Variants in PLD5 observed in about 807,000 individuals in gnomAD.
PLD5 encodes phospholipase D family member 5, also known as inactive phospholipase D5.
A neutral mutation model predicts 61.1 loss-of-function variants in PLD5; 36 were observed. That is an observed-to-expected ratio of 0.59 (90% CI 0.45 to 0.78). The LOEUF (loss-of-function observed/expected upper bound fraction) is 0.78, where lower values mean the gene tolerates loss of function less well. Among genes scored for constraint, PLD5 ranks in the 30% least tolerant of loss-of-function variants. The pLI is 0.00. For synonymous variants in PLD5, 243 were observed against 242.8 expected, an observed-to-expected ratio of 1.00 and a Z score of -0.01; for missense variants, 515 against 644.4, an observed-to-expected ratio of 0.80 and a Z score of 2.17.
At chr1:242,176,684 T>A (rs887423684) in intron 5 of PLD5, among the ~76,000 whole-genome samples, 1 of 152,162 alleles carries the variant, frequency 6.6e-6, no homozygotes, top group Non-Finnish European at 1.5e-5. Flanking sequence ...AATCTATCCA[T>A]CTGACAAAGG....
At chr1:242,246,577 T>C (rs1197140509) in intron 4 of PLD5, among the ~76,000 whole-genome samples, 1 of 151,992 alleles carries the variant, frequency 6.6e-6, no homozygotes, top group Non-Finnish European at 1.5e-5. Flanking sequence ...ACTTTACAGA[T>C]GTTTTCACAT....
At chr1:242,143,085 T>A (rs1203701225) in intron 5 of PLD5, among the ~76,000 whole-genome samples, 1 of 150,258 alleles carries the variant, frequency 6.7e-6, no homozygotes. Context: ...TGGAGTACAG[T>A]GGTGCCATCT....
the PLD5 span, among the ~76,000 whole-genome samples, chr1:242,529,795 C>CTTCCTTCT: frequency 1.5e-4 from 21 of 143,506 alleles, no homozygotes; most frequent in Non-Finnish European, 2.8e-4. Context: ...TCCTTCCTTC[C>CTTCCTTCT]TTCCTTCCTT....
At chr1:242,466,459 T>C (rs1365019065) in intron 1 of PLD5, among the ~76,000 whole-genome samples, 2 of 152,122 alleles carry the variant, frequency 1.3e-5, no homozygotes, top group Non-Finnish European at 2.9e-5. Flanking sequence ...GTGGTATATA[T>C]ACACAAAGGA....
chr1:242,195,093 C>A (rs1445172738), intron 5 of PLD5, among the ~76,000 whole-genome samples: 1 of 152,128 alleles, frequency 6.6e-6, no homozygotes, highest in African/African-American at 2.4e-5. Flanking sequence ...GAACTTGGAT[C>A]AACAATGGAA....
chr1:242,187,345 G>A (rs189630386), intron 5 of PLD5, among the ~76,000 whole-genome samples: 1 of 152,248 alleles, frequency 6.6e-6, no homozygotes, highest in East Asian at 1.9e-4. Flanking sequence ...AAAGACCCAG[G>A]GTCCTTGGTC....
chr1:242,276,279 T>C (rs1044936683), intron 3 of PLD5, among the ~76,000 whole-genome samples: 1 of 151,134 alleles, frequency 6.6e-6, no homozygotes, highest in African/African-American at 2.4e-5. Flanking sequence ...AAGCTGAAGG[T>C]GAGCTTATGA....
intron 5 of PLD5, among the ~76,000 whole-genome samples, chr1:242,174,187 C>G (rs1204067160): frequency 1.3e-5 from 2 of 148,748 alleles, no homozygotes; most frequent in Non-Finnish European, 3.0e-5. Flanking sequence ...ACAAAGAACT[C>G]AGACAAATTT....
chr1:242,335,053 A>G (rs1659420944), intron 2 of PLD5, among the ~76,000 whole-genome samples: 1 of 152,022 alleles, frequency 6.6e-6, no homozygotes, highest in African/African-American at 2.4e-5. Flanking sequence ...ACCTCTCTAC[A>G]GTTTTTATTT....
intron 5 of PLD5, among the ~76,000 whole-genome samples, chr1:242,211,770 T>A (rs1669838787): frequency 6.6e-6 from 1 of 152,224 alleles, no homozygotes; most frequent in African/African-American, 2.4e-5. Flanking sequence ...CATTGGTGCC[T>A]GCTCAGGATT....
At chr1:242,262,845 CA>C (rs1673449533) in intron 4 of PLD5, among the ~76,000 whole-genome samples, 1 of 151,946 alleles carries the variant, frequency 6.6e-6, no homozygotes, top group Admixed American at 6.6e-5. Flanking sequence ...ATGAGGGATA[CA>C]GGTGGAGATG....
chr1:242,359,087 T>C (rs1004695722), intron 1 of PLD5, among the ~76,000 whole-genome samples: 1 of 151,866 alleles, frequency 6.6e-6, no homozygotes, highest in Non-Finnish European at 1.5e-5. Context: ...ACCTGATATC[T>C]CTGATCACGG....
rs1007738766 is a variant in PLD5 at position 242,163,305 on chromosome 1, G to T, written c.736-38640C>A. 2.6e-5 allele frequency among the ~76,000 whole-genome samples: 4 copies of T among 151,734 alleles called. No individual in the cohort carries two copies. The East Asian group carries it at 7.8e-4, about 29-fold the overall frequency. On this transcript the variant is annotated intron_variant, in intron 5 of 9. Transcript: ENST00000536534. ...ACTACAGGCGCCCGCCACCACGCCCGGCTAATTTTTTGTATTTTTAGCACA... is the reference window on the plus strand; with the variant it reads ...ACTACAGGCGCCCGCCACCACGCCCTGCTAATTTTTTGTATTTTTAGCACA...
intron 1 of PLD5, among the ~76,000 whole-genome samples, chr1:242,501,021 A>G (rs918038159): frequency 2.0e-5 from 3 of 152,196 alleles, no homozygotes; most frequent in South Asian, 2.1e-4. Flanking sequence ...CATAAAAAGG[A>G]AAATAAATTT....
chr1:242,395,061 GTATATATATGAATATATATGTA>G (rs1663472535), intron 1 of PLD5, among the ~76,000 whole-genome samples: 1 of 84,956 alleles, frequency 1.2e-5, no homozygotes, highest in Non-Finnish European at 2.6e-5. Flanking sequence ...GAATATATAT[GTATATATATGAATATATATGTA>G]TATATATGAA....
chr1:242,373,461 A>G (rs1186706667), intron 1 of PLD5, among the ~76,000 whole-genome samples: 4 of 152,200 alleles, frequency 2.6e-5, no homozygotes, highest in African/African-American at 7.2e-5. Flanking sequence ...TATATACCCA[A>G]AGGATTTTAA....
At chr1:242,340,378 G>C (rs1199155468) in intron 2 of PLD5, among the ~76,000 whole-genome samples, 1 of 151,920 alleles carries the variant, frequency 6.6e-6, no homozygotes, top group Non-Finnish European at 1.5e-5. Context: ...ACATAGTTGG[G>C]TTTGTCAATA....
intron 3 of PLD5, among the ~76,000 whole-genome samples, chr1:242,269,529 T>C (rs972551170): frequency 6.0e-5 from 9 of 151,086 alleles, no homozygotes; most frequent in Non-Finnish European, 1.3e-4. Context: ...TGAAAAACTA[T>C]CAAGAGAGAA....
intron 2 of PLD5, among the ~76,000 whole-genome samples, chr1:242,337,055 A>G (rs1013411701): frequency 2.0e-5 from 3 of 151,882 alleles, no homozygotes; most frequent in South Asian, 2.1e-4. Context: ...CTGAGATGCA[A>G]ATCAGGTCTC....
Sources: allele counts gnomAD v4.1 joint callset (sites outside exome capture counted in the v4.1 genomes callset), GRCh38; gene constraint gnomAD v4.1.1; transcripts MANE v1.5; gene names NCBI Gene and HGNC (gene_info 2026-07-23, HGNC 2026-07-21).